ANKRD29: variants seen among roughly 807,000 people sequenced by gnomAD.
The protein encoded by ANKRD29 is ankyrin repeat domain-containing protein 29.
ANKRD29 carries 32 observed loss-of-function variants against 38.0 expected under a neutral mutation model. The ratio of observed to expected loss-of-function variants is 0.84; its 90% CI spans 0.64 to 1.13. The LOEUF (loss-of-function observed/expected upper bound fraction) is 1.13. Ranked by LOEUF, ANKRD29 falls within the 50% of genes most tolerant of loss-of-function variation. ANKRD29 has a pLI of 0.00. For synonymous variants in ANKRD29, 135 were observed against 152.4 expected (o/e 0.89, Z 0.84); for missense variants, 357 against 377.9 (o/e 0.94, Z 0.46).
Position 23,613,164 on chromosome 18 carries a change from ATT to A in ANKRD29, c.724-976_724-975del, listed in dbSNP as rs546475443. Among the ~76,000 whole-genome samples, 27 of 99,038 alleles carry A rather than the reference ATT, an allele frequency of 2.7e-4. No homozygotes were observed. In the South Asian group the frequency reaches 3.4e-3, roughly 13 times the overall value. The allele number at this position is 99,038 out of a possible 152,430, so 65.0% of individuals were successfully genotyped here. A position where few individuals can be genotyped will look rare whatever the true frequency, so the allele number is the denominator to read the frequency against. On this transcript the variant is annotated intron_variant, in intron 8 of 9. Transcript: ENST00000592179. ...TCACCTACATGCAACACGGGTCAGA[ATT>A]TTTTTTTTTTTTTTTTTTTTTTTGG...
chr18:23,604,042 G>A (rs751617781), intron 9 of ANKRD29, among the ~76,000 whole-genome samples: 16 of 152,086 alleles, frequency 1.1e-4, no homozygotes, highest in African/African-American at 3.6e-4. Context: ...AGGTTTCATC[G>A]TGTTGGCCAG....
Position 23,629,029 on chromosome 18 carries a change from G to A in ANKRD29, c.528+824C>T, listed in dbSNP as rs181609542. 1.4e-3 allele frequency among the ~76,000 whole-genome samples: 217 copies of A among 152,314 alleles called. 1 individual carries two copies. The highest frequency in any genetic ancestry group is 5.1e-3 in the African/African-American group (210 of 41,568). ...AGACAGAGTCTTGTTCTATTGCCAA[G>A]ACTGGAGTGCAGAGGCGCGATCTCG... On this transcript the variant is annotated intron_variant, in intron 6 of 9. Transcript: ENST00000592179.
At chr18:23,636,586 AT>A (rs928861953) in intron 4 of ANKRD29, among the ~76,000 whole-genome samples, 6 of 150,600 alleles carry the variant, frequency 4.0e-5, no homozygotes, top group Non-Finnish European at 8.9e-5. Context: ...AATTAAAAAA[AT>A]TTTTTTTAGA....
rs1450225304 is a variant in ANKRD29 at position 23,599,329 on chromosome 18, C to A, written c.*1897G>T. ...TAATATTGTTCAAGAACATTACCCA[C>A]TTAAAACTATTGATGTAATAGGCCA... On this transcript the variant is annotated 3_prime_UTR_variant, in exon 10 of 10. Transcript: ENST00000592179. 1 of 152,186 alleles carries A rather than the reference C, an allele frequency of 6.6e-6. No individual in the cohort carries two copies. Among genetic ancestry groups the A allele is most frequent in the Non-Finnish European group, 1.5e-5 (1 of 68,032 alleles). 9.4% of individuals were successfully genotyped at this position (152,186 alleles called of 1,614,324 possible).
At position 23,600,943 on chromosome 18, in the gene ANKRD29, T is replaced by C; in HGVS notation, c.*283A>G. On this transcript the variant is annotated 3_prime_UTR_variant, in exon 10 of 10. Transcript: ENST00000592179. ...AACTGACAGGTCCAAGTTAGCATTG[T>C]TGAAAATGAGTTTCTGTGGAATCTG... 1 of 270,000 alleles carries C rather than the reference T, an allele frequency of 3.7e-6. No homozygotes were observed. The highest frequency in any genetic ancestry group is 7.2e-5 in the East Asian group (1 of 13,972). The allele number at this position is 270,000 out of a possible 1,614,324, so 16.7% of individuals were successfully genotyped here.
At chr18:23,627,819 A>G (rs1251984868) in intron 6 of ANKRD29, among the ~76,000 whole-genome samples, 1 of 152,226 alleles carries the variant, frequency 6.6e-6, no homozygotes, top group East Asian at 1.9e-4. Context: ...ATTTTAGTAA[A>G]ATGAATCATC....
intron 4 of ANKRD29, among the ~76,000 whole-genome samples, chr18:23,636,256 C>T (rs972166763): frequency 1.3e-5 from 2 of 151,996 alleles, no homozygotes; most frequent in African/African-American, 4.8e-5. Context: ...CTGCCCTAGC[C>T]TCTTGAGTAG....
chr18:23,604,367 A>G (rs1030424847), intron 9 of ANKRD29, among the ~76,000 whole-genome samples: 3 of 151,908 alleles, frequency 2.0e-5, no homozygotes, highest in Non-Finnish European at 4.4e-5. Flanking sequence ...GTGTCCTGAG[A>G]CTATGACTCC....
At chr18:23,646,404 C>T (rs2060141126) in intron 2 of ANKRD29, 117 bp from the exon 3 acceptor site, 4 of 741,856 alleles carry the variant, frequency 5.4e-6, no homozygotes, top group Non-Finnish European at 8.7e-6. Flanking sequence ...GGGCAAAATT[C>T]CCTGCAGTGA....
At chr18:23,624,923 T>A (rs1365644371) in intron 6 of ANKRD29, among the ~76,000 whole-genome samples, 1 of 152,194 alleles carries the variant, frequency 6.6e-6, no homozygotes, top group Non-Finnish European at 1.5e-5. Flanking sequence ...ACTAACCTTG[T>A]ATGGTCTTAT....
At chr18:23,661,329 C>T (rs2060357622) in intron 1 of ANKRD29, among the ~76,000 whole-genome samples, 2 of 152,160 alleles carry the variant, frequency 1.3e-5, no homozygotes, top group Admixed American at 1.3e-4. Context: ...GCTTGGATTC[C>T]CATCTATCCT....
chr18:23,610,519 G>T (rs1485560975), intron 9 of ANKRD29, among the ~76,000 whole-genome samples: 2 of 152,162 alleles, frequency 1.3e-5, no homozygotes, highest in Non-Finnish European at 2.9e-5. Context: ...TTTAGGCCAG[G>T]TGTGGTGGCT....
intron 6 of ANKRD29, chr18:23,619,919 C>G (rs1421620653): frequency 4.9e-6 from 2 of 406,938 alleles, no homozygotes; most frequent in Non-Finnish European, 8.8e-6. Context: ...GATCTTTTAC[C>G]AAAAAGGGTG....
chr18:23,612,970 T>C (rs2059662581), intron 8 of ANKRD29, among the ~76,000 whole-genome samples: 1 of 152,076 alleles, frequency 6.6e-6, no homozygotes, highest in African/African-American at 2.4e-5. Context: ...AGTTTCCTAA[T>C]TAGTTGCTCA....
intron 4 of ANKRD29, among the ~76,000 whole-genome samples, chr18:23,636,547 T>A (rs1447396306): frequency 6.6e-6 from 1 of 151,128 alleles, no homozygotes; most frequent in East Asian, 2.0e-4. Flanking sequence ...ATTACAGGTG[T>A]GAGCCATCCC....
chr18:23,632,359 T>G (rs2059943693), intron 5 of ANKRD29, among the ~76,000 whole-genome samples: 1 of 152,022 alleles, frequency 6.6e-6, no homozygotes, highest in Admixed American at 6.6e-5. Context: ...CAATCGTTTT[T>G]AAGAAAATAT....
chr18:23,662,459 T>A (rs1388185916), intron 1 of ANKRD29, among the ~76,000 whole-genome samples: 1 of 152,034 alleles, frequency 6.6e-6, no homozygotes, highest in African/African-American at 2.4e-5. Flanking sequence ...GGGCACAGAC[T>A]CAGCCGATCC....
intron 6 of ANKRD29, among the ~76,000 whole-genome samples, chr18:23,622,139 G>A (rs1224311835): frequency 6.6e-6 from 1 of 152,200 alleles, no homozygotes; most frequent in African/African-American, 2.4e-5. Flanking sequence ...TGGATAGAGT[G>A]CTATCTGATC....
Position 23,629,843 on chromosome 18 carries a change from T to C in ANKRD29, c.528+10A>G. 6.2e-7 allele frequency: 1 copy of C among 1,612,772 alleles called. No individual in the cohort carries two copies. Among genetic ancestry groups the C allele is most frequent in the Non-Finnish European group, 8.5e-7 (1 of 1,179,364 alleles). Reference sequence around the variant, plus strand: ...CATGTGCTCGGGCAAATGTCAACAGTGGACATTACCTGCCTTGGCTGGTTG... The same window carrying C: ...CATGTGCTCGGGCAAATGTCAACAGCGGACATTACCTGCCTTGGCTGGTTG... On this transcript the variant is annotated intron_variant, in intron 6 of 9. Coordinates refer to ENST00000592179, the MANE Select transcript of ANKRD29 (RefSeq NM_173505.4).
Sources: gnomAD v4.1 joint callset for allele counts (sites outside exome capture counted in the v4.1 genomes callset) on GRCh38, gnomAD v4.1.1 for gene constraint, MANE v1.5 for transcripts, NCBI Gene and HGNC (gene_info 2026-07-23, HGNC 2026-07-21) for gene names.